The following GIT2 variants were observed in gnomAD, a reference collection of about 807,000 sequenced individuals.
The protein encoded by GIT2 is ARF GTPase-activating protein GIT2.
A neutral mutation model predicts 100.3 loss-of-function variants in GIT2; 32 were observed. The observed-to-expected ratio is 0.32, with a 90% CI of 0.24 to 0.43. The LOEUF is 0.43. Ranked by LOEUF, GIT2 falls within the 20% of genes least tolerant of loss-of-function variation. The probability of loss-of-function intolerance (pLI) is 1.00; values close to 1 mark genes in which losing one functional copy is unlikely to be tolerated. For synonymous variants in GIT2, 353 were observed against 364.1 expected (o/e 0.97, Z 0.35); for missense variants, 737 against 975.1 (o/e 0.76, Z 3.25).
chr12:109,956,299 A>T (rs1194143199), intron 12 of GIT2, among the ~76,000 whole-genome samples: 4 of 152,096 alleles, frequency 2.6e-5, no homozygotes, highest in Non-Finnish European at 2.9e-5. Flanking sequence ...CTGCAGCCTC[A>T]ATCTCCTGGG....
At position 109,936,387 on chromosome 12, in the gene GIT2, T is replaced by C. The variant is rs1038822522; in HGVS notation, c.2003+1993A>G. On this transcript the variant is annotated intron_variant, in intron 18 of 19. Transcript: ENST00000355312. ...CAAGCACCATATTGCATCTTTGAAG[T>C]AGAAATGGCCTCAGGGCAGATATTT... is the stretch of plus-strand genomic sequence containing the variant. Among the ~76,000 whole-genome samples, 6 of 151,604 alleles carry C rather than the reference T, an allele frequency of 4.0e-5. No individual in the cohort carries two copies. In the East Asian group the frequency reaches 7.7e-4, roughly 20 times the overall value.
chr12:109,945,155 G>A, intron 16 of GIT2, 105 bp downstream of exon 16: 1 of 684,368 alleles, frequency 1.5e-6, no homozygotes, highest in East Asian at 2.7e-5. Context: ...CCTCATGCAG[G>A]ACGGAAGGGC....
At chr12:109,980,904 G>T in intron 7 of GIT2, 48 bp downstream of exon 7, 1 of 1,189,824 alleles carries the variant, frequency 8.4e-7, no homozygotes. Context: ...TGTTTTTCTA[G>T]AACCTTCCCA....
chr12:109,970,425 C>T (rs143990012), intron 7 of GIT2, among the ~76,000 whole-genome samples: 2,171 of 152,060 alleles, frequency 0.014, 48 homozygotes, highest in African/African-American at 0.049. Context: ...CCCGGGAGGC[C>T]GAGGTTGCAG....
At chr12:109,992,055 T>C (rs1888495631) in intron 1 of GIT2, 1 of 267,438 alleles carries the variant, frequency 3.7e-6, no homozygotes, top group Non-Finnish European at 7.0e-6. Flanking sequence ...TTCAGATGCA[T>C]GCTTTTTCAT....
At chr12:109,986,865 G>C (rs769596220) in intron 4 of GIT2, among the ~76,000 whole-genome samples, 17 of 152,118 alleles carry the variant, frequency 1.1e-4, no homozygotes, top group Non-Finnish European at 1.8e-4. Flanking sequence ...GCTGAGGCAG[G>C]AGAATCACTT....
At chr12:109,986,785 A>C (rs1041003665) in intron 4 of GIT2, among the ~76,000 whole-genome samples, 3 of 149,922 alleles carry the variant, frequency 2.0e-5, no homozygotes, top group African/African-American at 4.9e-5. Flanking sequence ...AAACAAACAA[A>C]CAAACAAAAA....
chr12:109,999,825 C>G (rs1402518996), upstream of GIT2: 4 of 1,475,668 alleles, frequency 2.7e-6, no homozygotes, highest in South Asian at 5.1e-5. This position sits in a 1 kb window ranked among gnomAD's most constrained non-coding sequence, Gnocchi z 4.3. Flanking sequence ...GTGGGGACTT[C>G]GGGGAATCGG....
chr12:109,999,936 C>G (rs1263204996), upstream of GIT2: 2 of 567,266 alleles, frequency 3.5e-6, no homozygotes, highest in Non-Finnish European at 5.7e-6. The surrounding 1 kb of genome is among the most constrained non-coding windows in gnomAD (Gnocchi z 4.3). Context: ...TAATAGGACA[C>G]GTATCGAGTG....
intron 7 of GIT2, among the ~76,000 whole-genome samples, chr12:109,970,379 G>A (rs1811221584): frequency 6.6e-6 from 1 of 152,212 alleles, no homozygotes; most frequent in Middle Eastern, 3.4e-3. Flanking sequence ...TGTAGTCCCA[G>A]CTGCTCGGGA....
At position 109,986,124 on chromosome 12, in the gene GIT2, AAAG is replaced by A. The variant is rs570534979; in HGVS notation, c.406-2433_406-2431del. 3.3e-5 allele frequency among the ~76,000 whole-genome samples: 5 copies of A among 152,088 alleles called. No individual in the cohort carries two copies. In the South Asian group the frequency reaches 6.2e-4, roughly 19 times the overall value. ...CACAGCTGAATTCTACCAGACATAC[AAAG>A]AAGAACATCCTACTAAAATTATTCC... On this transcript the variant is annotated intron_variant, in intron 4 of 19. Transcript: ENST00000355312.
intron 18 of GIT2, among the ~76,000 whole-genome samples, chr12:109,936,197 T>C (rs1872917130): frequency 6.6e-6 from 1 of 151,844 alleles, no homozygotes; most frequent in South Asian, 2.1e-4. Flanking sequence ...CTAGACCAAT[T>C]ATGGTTTTAA....
At chr12:109,997,275 A>T (rs963014528), upstream of GIT2, 7 of 150,894 alleles carry the variant, frequency 4.6e-5, no homozygotes, top group Non-Finnish European at 7.4e-5. Flanking sequence ...GATACTCAGG[A>T]GGCTGAGGCA....
intron 1 of GIT2, among the ~76,000 whole-genome samples, chr12:109,993,529 C>G (rs1022068325): frequency 6.6e-5 from 10 of 152,256 alleles, no homozygotes; most frequent in African/African-American, 2.4e-4. Flanking sequence ...ACTTCTTGCA[C>G]AATGATCTCA....
chr12:109,986,557 A>T (rs972564009), intron 4 of GIT2, among the ~76,000 whole-genome samples: 3 of 151,858 alleles, frequency 2.0e-5, no homozygotes, highest in Non-Finnish European at 4.4e-5. Flanking sequence ...GAGGTCAGGA[A>T]ATCGGGACCA....
chr12:109,954,904 A>T (rs1181235588), intron 12 of GIT2, among the ~76,000 whole-genome samples: 2 of 151,688 alleles, frequency 1.3e-5, no homozygotes, highest in African/African-American at 4.8e-5. Flanking sequence ...CTCAAAAAAA[A>T]AAAAAATAAT....
Position 109,948,725 on chromosome 12 carries a change from T to C in GIT2, c.1393-1221A>G. 1 of 1,507,032 alleles carries C rather than the reference T, an allele frequency of 6.6e-7. No homozygotes were observed. The allele number at this position is 1,507,032 out of a possible 1,614,324, so 93.4% of individuals were successfully genotyped here. A position where few individuals can be genotyped will look rare whatever the true frequency, so the allele number is the denominator to read the frequency against. ...TTTGCACCAGAAGATCATTACTTTT[T>C]CAGTAGCAAACCCATTCAATGTTAG... On this transcript the variant is annotated intron_variant, in intron 14 of 19. Transcript: ENST00000355312. The surrounding 1 kb of genome is among the most constrained non-coding windows in gnomAD (Gnocchi z 4.3).
chr12:109,975,624 T>C (rs1884850111), intron 7 of GIT2, among the ~76,000 whole-genome samples: 1 of 152,126 alleles, frequency 6.6e-6, no homozygotes, highest in Non-Finnish European at 1.5e-5. Flanking sequence ...ATAATGTTAT[T>C]ATTTATTTTC....
chr12:109,958,639 A>G (rs771153571), intron 12 of GIT2, among the ~76,000 whole-genome samples: 3 of 152,242 alleles, frequency 2.0e-5, no homozygotes, highest in Non-Finnish European at 4.4e-5. Context: ...CTGGTTGAAC[A>G]GATAAAATCA....
Sources: allele counts gnomAD v4.1 joint callset (sites outside exome capture counted in the v4.1 genomes callset), GRCh38; gene constraint gnomAD v4.1.1; non-coding constraint Gnocchi (gnomAD v3.1); transcripts MANE v1.5; gene names NCBI Gene and HGNC (gene_info 2026-07-23, HGNC 2026-07-21).